SCUBE1: variants seen among roughly 807,000 people sequenced by gnomAD.
SCUBE1 encodes signal peptide, CUB domain and EGF like domain containing 1.
A neutral mutation model predicts 124.4 loss-of-function variants in SCUBE1; 59 were observed. That is an observed-to-expected ratio of 0.47 (90% CI 0.38 to 0.59). The LOEUF (loss-of-function observed/expected upper bound fraction) is 0.59, where lower values mean the gene tolerates loss of function less well. Among genes scored for constraint, SCUBE1 ranks in the 20% least tolerant of loss-of-function variants. The pLI, the probability that SCUBE1 is intolerant of heterozygous loss-of-function variation, is 0.00. For missense variants in SCUBE1, 1,150 were observed against 1,371.2 expected, an observed-to-expected ratio of 0.84 and a Z score of 2.55; for synonymous variants, 545 against 550.9, an observed-to-expected ratio of 0.99 and a Z score of 0.15.
chr22:43,292,460 A>G (rs1180404417), intron 3 of SCUBE1, among the ~76,000 whole-genome samples: 2 of 151,770 alleles, frequency 1.3e-5, no homozygotes, highest in African/African-American at 4.8e-5. Context: ...TTAAACCTTA[A>G]TGTTCCATGT....
intron 4 of SCUBE1, among the ~76,000 whole-genome samples, chr22:43,279,563 A>G (rs1042707387): frequency 2.0e-5 from 3 of 152,240 alleles, no homozygotes; most frequent in Non-Finnish European, 2.9e-5. Flanking sequence ...AGCCTCCAGA[A>G]CTGTGAAAAG....
At chr22:43,233,604 T>C (rs576434236) in intron 7 of SCUBE1, 1 of 152,352 alleles carries the variant, frequency 6.6e-6, no homozygotes, top group African/African-American at 2.4e-5. Context: ...CCAGTGTCAC[T>C]GGCACCGCTC....
intron 2 of SCUBE1, among the ~76,000 whole-genome samples, chr22:43,327,138 A>G (rs1926752868): frequency 6.6e-6 from 1 of 152,134 alleles, no homozygotes; most frequent in African/African-American, 2.4e-5. Flanking sequence ...CTCTCATGAC[A>G]TGTCAGGCAG....
intron 2 of SCUBE1, among the ~76,000 whole-genome samples, chr22:43,325,932 G>GT (rs771336542): frequency 1.0e-3 from 137 of 136,322 alleles, no homozygotes; most frequent in South Asian, 9.6e-4. Flanking sequence ...AGGGTGAGGT[G>GT]TTTTTTTTTT....
chr22:43,247,782 C>T lies in SCUBE1; in HGVS notation c.728-8828G>A, dbSNP rs961001842. On this transcript the variant is annotated intron_variant, in intron 6 of 21. Transcript: ENST00000360835. ...GGGCAGGGTGGCAGAGGGGCCCGGT[C>T]GGGCCTGTTTTTACACTTGGGCTCC... Among the ~76,000 whole-genome samples, 29 of 152,208 alleles carry T rather than the reference C, an allele frequency of 1.9e-4. 1 individual carries two copies. Among genetic ancestry groups the T allele is most frequent in the Admixed American group, 1.4e-3 (21 of 15,288 alleles).
intron 7 of SCUBE1, among the ~76,000 whole-genome samples, chr22:43,235,860 C>A (rs182453603): frequency 6.6e-6 from 1 of 151,998 alleles, no homozygotes; most frequent in Non-Finnish European, 1.5e-5. Context: ...CAACACCAAA[C>A]GGGCACGGTA....
At chr22:43,287,659 G>T (rs889305915) in intron 4 of SCUBE1, among the ~76,000 whole-genome samples, 6 of 152,356 alleles carry the variant, frequency 3.9e-5, no homozygotes, top group Middle Eastern at 6.8e-3. Flanking sequence ...TCAGGGGTAG[G>T]CTCCAAAGAG....
At position 43,300,496 on chromosome 22, in the gene SCUBE1, CAG is replaced by C. The variant is rs143554528; in HGVS notation, c.350-9318_350-9317del. Among the ~76,000 whole-genome samples, 740 of 152,134 alleles carry C rather than the reference CAG, an allele frequency of 4.9e-3. 6 individuals carry two copies. Among genetic ancestry groups the C allele is most frequent in the African/African-American group, 0.017 (687 of 41,488 alleles). On this transcript the variant is annotated intron_variant, in intron 3 of 21. Transcript: ENST00000360835. Reference sequence around the variant, plus strand: ...GGGCTCTATGCTGTCTGTGGGGAGACAGAAACAGTCACAAAGACTCCAGGTGG... The same window carrying C: ...GGGCTCTATGCTGTCTGTGGGGAGACAAACAGTCACAAAGACTCCAGGTGG...
In SCUBE1 at chr22:43,212,441, C is replaced by T. The variant is rs1452143965; in HGVS notation, c.2205G>A (p.Gln735=). 14 of 1,551,798 alleles carry T rather than the reference C, an allele frequency of 9.0e-6. No homozygotes were observed. Among genetic ancestry groups the T allele is most frequent in the South Asian group, 2.4e-5 (2 of 84,072 alleles). ...LTKHEGTTSF[Q]DCEAKVHCSP... The stretch of plus-strand genomic sequence containing the variant: ...CATGCTCACCTTTAGCCTCGCAGTC[C>T]TGGAAGGAGGTGGTGCCTTCGTGTT... Residue 735 remains glutamine (Q), a synonymous_variant, in exon 17 of 22, where the codon CAG becomes CAA. Coordinates refer to ENST00000360835, the MANE Select transcript of SCUBE1 (RefSeq NM_173050.5).
rs1569493079 is a variant in SCUBE1, at chr22:43,203,235, C to T, written c.*762G>A. 6.6e-6 allele frequency: 1 copy of T among 152,106 alleles called. No individual in the cohort carries two copies. Among genetic ancestry groups the T allele is most frequent in the Non-Finnish European group, 1.5e-5 (1 of 68,044 alleles). The allele number at this position is 152,106 out of a possible 1,614,324, so 9.4% of individuals were successfully genotyped here. A position where few individuals can be genotyped will look rare whatever the true frequency, so the allele number is the denominator to read the frequency against. Reference sequence around the variant, plus strand: ...GGGCAAATGCAAATGCTGGGAGGAGCTGTTTAATCGTTCAGGGAGGCTGAT... The same window carrying T: ...GGGCAAATGCAAATGCTGGGAGGAGTTGTTTAATCGTTCAGGGAGGCTGAT... On this transcript the variant is annotated 3_prime_UTR_variant, in exon 22 of 22. Transcript: ENST00000360835.
At position 43,212,419 on chromosome 22, in the gene SCUBE1, G is replaced by A; in HGVS notation, c.2221+6C>T. On this transcript the variant is annotated splice_donor_region_variant and intron_variant, in intron 17 of 21. Coordinates refer to ENST00000360835, the MANE Select transcript of SCUBE1 (RefSeq NM_173050.5). ...TGGGCGGGCGTGGTGGGGAGGGCAT[G>A]CTCACCTTTAGCCTCGCAGTCCTGG... 1 of 1,549,768 alleles carries A rather than the reference G, an allele frequency of 6.5e-7. No homozygotes were observed. The highest frequency in any genetic ancestry group is 8.7e-7 in the Non-Finnish European group (1 of 1,146,770).
At chr22:43,216,856 T>TC (rs1249645967) in intron 15 of SCUBE1, among the ~76,000 whole-genome samples, 7 of 87,498 alleles carry the variant, frequency 8.0e-5, no homozygotes, top group African/African-American at 1.5e-4. Context: ...ATCAACAACT[T>TC]CCCCCCACCC....
chr22:43,289,957 C>T (rs542072608), intron 4 of SCUBE1, among the ~76,000 whole-genome samples: 6 of 152,308 alleles, frequency 3.9e-5, no homozygotes, highest in South Asian at 4.1e-4. Context: ...CCTCTATGCC[C>T]GCAAGCCTCC....
At chr22:43,292,373 T>G (rs1292576813) in intron 3 of SCUBE1, among the ~76,000 whole-genome samples, 2 of 152,214 alleles carry the variant, frequency 1.3e-5, no homozygotes, top group African/African-American at 4.8e-5. Context: ...GTTCTGGTCT[T>G]GAGCACAACA....
intron 6 of SCUBE1, among the ~76,000 whole-genome samples, chr22:43,249,769 C>A (rs1160780906): frequency 6.6e-6 from 1 of 152,242 alleles, no homozygotes. Context: ...GGACAGTGGG[C>A]CCTGAGTGCA....
chr22:43,226,423 G>A (rs1481469596), intron 10 of SCUBE1, among the ~76,000 whole-genome samples: 1 of 140,448 alleles, frequency 7.1e-6, no homozygotes, highest in Non-Finnish European at 1.6e-5. Flanking sequence ...AGGAGTGCTG[G>A]TGTGGGGGGG....
Position 43,203,797 on chromosome 22 carries a change from C to T in SCUBE1, c.*200G>A. On this transcript the variant is annotated 3_prime_UTR_variant, in exon 22 of 22. Coordinates refer to ENST00000360835, the MANE Select transcript of SCUBE1 (RefSeq NM_173050.5). ...AGGGAGGCAGAGGGAGGGAGGGAGGCTTCCTGAAGCAGGGTGCTCCCACAG... is the reference window on the plus strand; with the variant it reads ...AGGGAGGCAGAGGGAGGGAGGGAGGTTTCCTGAAGCAGGGTGCTCCCACAG... 1.8e-6 allele frequency: 1 copy of T among 565,710 alleles called. No homozygotes were observed. The highest frequency in any genetic ancestry group is 3.2e-5 in the Admixed American group (1 of 30,824). 35.0% of individuals were successfully genotyped at this position (565,710 alleles called of 1,614,324 possible).
intron 4 of SCUBE1, among the ~76,000 whole-genome samples, chr22:43,279,600 A>T (rs1377735191): frequency 1.3e-5 from 2 of 152,250 alleles, no homozygotes; most frequent in Non-Finnish European, 2.9e-5. Context: ...GAAATTACCC[A>T]GTCTCAGCTC....
chr22:43,199,030 T>C lies in SCUBE1; in HGVS notation c.*4967A>G. 2.8e-6 allele frequency: 1 copy of C among 355,240 alleles called. No homozygotes were observed. Among genetic ancestry groups the C allele is most frequent in the East Asian group, 7.5e-5 (1 of 13,270 alleles). The allele number at this position is 355,240 out of a possible 1,614,324, so 22.0% of individuals were successfully genotyped here. A position where few individuals can be genotyped will look rare whatever the true frequency, so the allele number is the denominator to read the frequency against. On this transcript the variant is annotated 3_prime_UTR_variant, in exon 22 of 22. Coordinates refer to ENST00000360835, the MANE Select transcript of SCUBE1 (RefSeq NM_173050.5). ...CCGGGGCAGTGTGTCTGTTTGTCTCTCTGCTGTCCAGGGCAATGTGTCTGT... is the reference window on the plus strand; with the variant it reads ...CCGGGGCAGTGTGTCTGTTTGTCTCCCTGCTGTCCAGGGCAATGTGTCTGT...
Sources: gnomAD v4.1 joint callset for allele counts (sites outside exome capture counted in the v4.1 genomes callset) on GRCh38, gnomAD v4.1.1 for gene constraint, MANE v1.5 for transcripts, NCBI Gene and HGNC (gene_info 2026-07-23, HGNC 2026-07-21) for gene names.